Variants in SALL1 observed in about 807,000 individuals in gnomAD.
SALL1 encodes sal-like protein 1.
Under a neutral mutation model 73.1 loss-of-function variants are expected in SALL1, and 10 were observed. The ratio of observed to expected loss-of-function variants is 0.14; its 90% confidence interval spans 0.08 to 0.23. The LOEUF is 0.23. Ranked by LOEUF, SALL1 falls within the 10% of genes least tolerant of loss-of-function variation. SALL1 has a pLI of 1.00. For synonymous variants in SALL1, 688 were observed against 689.8 expected (o/e 1.00, Z 0.04); for missense variants, 1,520 against 1,697.3 (o/e 0.90, Z 1.84).
At chr16:51,145,206 TCACACACACATACACACACA>T (rs1162660268) in intron 1 of SALL1, among the ~76,000 whole-genome samples, 2 of 83,320 alleles carry the variant, frequency 2.4e-5, no homozygotes, top group African/African-American at 3.8e-5. Context: ...ATTCTCTCTC[TCACACACACATACACACACA>T]CACACACACA....
In SALL1 at chr16:51,138,867, A is replaced by C; in HGVS notation, c.3355T>G (p.Ser1119Ala). The change falls in exon 2 of 3, where the codon TCC (serine) becomes GCC (alanine). Residue 1119 changes from serine to alanine, a missense_variant. Transcript: ENST00000251020. ...GGCAGAGCAGGGAGCAGAACTGGGGATGTGGCAGAGGAAGACAGAGGCCCA... is the reference window on the plus strand; with the variant it reads ...GGCAGAGCAGGGAGCAGAACTGGGGCTGTGGCAGAGGAAGACAGAGGCCCA... ...PSGPLSSSAT[S>A]PVLLPALPRR... 1 of 1,614,156 alleles carries C rather than the reference A, an allele frequency of 6.2e-7. No homozygotes were observed. Among genetic ancestry groups the C allele is most frequent in the Non-Finnish European group, 8.5e-7 (1 of 1,180,030 alleles).
rs759286249 is a variant in SALL1, at chr16:51,140,776, G to A, written c.1446C>T (p.Cys482=). The change falls in exon 2 of 3, where the codon TGC becomes TGT. Residue 482 remains cysteine (C), a synonymous_variant. Coordinates refer to ENST00000251020, the MANE Select transcript of SALL1 (RefSeq NM_002968.3). The surrounding 1 kb of genome is among the most constrained non-coding windows in gnomAD (Gnocchi z 5.7). Reference sequence around the variant, plus strand: ...TCCCCTTGGTGGAGAACCTGTTCCCGCAGATGTTGCACTTGAATGGCCTCT... The same window carrying A: ...TCCCCTTGGTGGAGAACCTGTTCCCACAGATGTTGCACTTGAATGGCCTCT... ...TGERPFKCNI[C]GNRFSTKGNL... The A allele has an allele frequency of 1.5e-5, 24 of 1,614,060 alleles. No homozygotes were observed. The highest frequency in any genetic ancestry group is 6.6e-5 in the South Asian group (6 of 91,092).
rs751581050 is a variant in SALL1 at position 51,151,257 on chromosome 16, A to G, written c.-16T>C. 6 of 1,560,900 alleles carry G rather than the reference A, an allele frequency of 3.8e-6. No individual in the cohort carries two copies. The highest frequency in any genetic ancestry group is 4.3e-6 in the Non-Finnish European group (5 of 1,151,250). Reference sequence around the variant, plus strand: ...TCCGCGACATGCTGGCTCAAACATCAGCTGGGGCAGAATAAAAAATTACTA... The same window carrying G: ...TCCGCGACATGCTGGCTCAAACATCGGCTGGGGCAGAATAAAAAATTACTA... On this transcript the variant is annotated 5_prime_UTR_variant, in exon 1 of 3. Transcript: ENST00000251020.
At position 51,141,732 on chromosome 16, in the gene SALL1, TGCC is replaced by T. The variant is rs1555475414; in HGVS notation, c.487_489del (p.Gly163del). On this transcript the variant is annotated inframe_deletion, in exon 2 of 3. Transcript: ENST00000251020. The surrounding 1 kb of genome is among the most constrained non-coding windows in gnomAD (Gnocchi z 5.4). ...ATCGCTGAGGTACCTGTGGAGGAGC[TGCC>T]GCCGCCGCCGCTGCTGCTGCTGCTG... The T allele has an allele frequency of 3.7e-5, 59 of 1,610,524 alleles. No individual in the cohort carries two copies. The East Asian group carries it at 5.8e-4, about 16-fold the overall frequency.
chr16:51,138,967 G>C lies in SALL1; in HGVS notation c.3255C>G (p.Ile1085Met). ...GCACGAAGCCGTTGACCTCTGTCTT[G>C]ATGAGAGATGACAACGAGTTGGCGG... is the stretch of plus-strand genomic sequence containing the variant. ...VIPANSLSSLIKTEVNGFVHV... is the reference protein window; with the variant it reads ...VIPANSLSSLMKTEVNGFVHV... The change falls in exon 2 of 3, where the codon ATC becomes ATG. Residue 1085 changes from isoleucine (I) to methionine (M), a missense_variant. By Grantham distance (10) the Ile-to-Met change is conservative (BLOSUM62 1). Around this residue, in one of 7 missense-constraint regions of SALL1, gnomAD observed 318 missense variants for 357.1 expected, o/e 0.89. Coordinates refer to ENST00000251020, the MANE Select transcript of SALL1 (RefSeq NM_002968.3). 1 of 1,614,158 alleles carries C rather than the reference G, an allele frequency of 6.2e-7. No homozygotes were observed. Among genetic ancestry groups the C allele is most frequent in the Non-Finnish European group, 8.5e-7 (1 of 1,180,034 alleles).
At chr16:51,151,704 C>A (rs1323068216), upstream of SALL1, among the ~76,000 whole-genome samples, 2 of 151,586 alleles carry the variant, frequency 1.3e-5, no homozygotes, top group Admixed American at 1.3e-4. Flanking sequence ...CAGGCGCCCC[C>A]CGCTCTCTCC....
At chr16:51,147,975 CT>C (rs1962543919) in intron 1 of SALL1, among the ~76,000 whole-genome samples, 1 of 152,136 alleles carries the variant, frequency 6.6e-6, no homozygotes, top group African/African-American at 2.4e-5. Flanking sequence ...TAATTCAAGA[CT>C]TGTTGAATAT....
intron 1 of SALL1, chr16:51,149,768 G>C (rs547607654): frequency 2.4e-4 from 36 of 152,356 alleles, no homozygotes; most frequent in African/African-American, 7.7e-4. Context: ...CAGCTCTACC[G>C]AGAGGCAGGC....
chr16:51,151,669 C>G (rs1198040521), upstream of SALL1, among the ~76,000 whole-genome samples: 3 of 151,408 alleles, frequency 2.0e-5, no homozygotes, highest in Non-Finnish European at 4.4e-5. Flanking sequence ...CCGGCCTCCT[C>G]TCCACTGCGG....
At chr16:51,150,622 G>C in intron 1 of SALL1, 1 of 975,680 alleles carries the variant, frequency 1.0e-6, no homozygotes, top group Non-Finnish European at 1.2e-6. Flanking sequence ...CTCGCAGGCC[G>C]AGGGGGAGTG....
At chr16:51,151,317 G>T, upstream of SALL1, 1 of 912,248 alleles carries the variant, frequency 1.1e-6, no homozygotes. Context: ...GAAATCGAGC[G>T]GCGGCGGCGG....
upstream of SALL1, among the ~76,000 whole-genome samples, chr16:51,151,722 C>T (rs1181508300): frequency 6.6e-5 from 10 of 151,406 alleles, no homozygotes; most frequent in South Asian, 1.7e-3. Context: ...TCCCTCTCCC[C>T]TCCCTCTTCC....
intron 1 of SALL1, among the ~76,000 whole-genome samples, chr16:51,145,203 C>G (rs1045561990): frequency 2.2e-5 from 2 of 90,910 alleles, no homozygotes; most frequent in African/African-American, 7.2e-5. Context: ...CACATTCTCT[C>G]TCTCACACAC....
rs530254986 is a variant in SALL1 at position 51,140,109 on chromosome 16, G to A, written c.2113C>T (p.Pro705Ser). ...VENIDKKATD[P>S]NECIICHRVL... ...CGGTGGCAGATGATGCACTCATTGG[G>A]GTCAGTGGCCTTCTTGTCAATGTTT... Residue 705 changes from proline to serine, a missense_variant, in exon 2 of 3, where the codon CCC becomes TCC. Around this residue, in one of 7 missense-constraint regions of SALL1, gnomAD observed 77 missense variants for 117.2 expected, o/e 0.66. Transcript: ENST00000251020. This position sits in a 1 kb window ranked among gnomAD's most constrained non-coding sequence, Gnocchi z 5.7. 6.2e-7 allele frequency: 1 copy of A among 1,614,178 alleles called. No individual in the cohort carries two copies. Among genetic ancestry groups the A allele is most frequent in the Admixed American group, 1.7e-5 (1 of 60,032 alleles).
chr16:51,143,283 T>A (rs1406445187), intron 1 of SALL1: 1 of 373,602 alleles, frequency 2.7e-6, no homozygotes, highest in Admixed American at 3.3e-5. Context: ...CATTTGTAAA[T>A]TAAACAGAAA....
At chr16:51,142,989 G>A (rs1034968085) in intron 1 of SALL1, among the ~76,000 whole-genome samples, 1 of 151,112 alleles carries the variant, frequency 6.6e-6, no homozygotes. Flanking sequence ...TTCATCAAAA[G>A]TGCTCTCTAT....
chr16:51,137,682 T>C lies in SALL1; in HGVS notation c.3535-130A>G, dbSNP rs1404426547. 7.2e-6 allele frequency: 5 copies of C among 689,844 alleles called. No homozygotes were observed. The African/African-American group carries it at 8.9e-5, about 12-fold the overall frequency. 42.7% of individuals were successfully genotyped at this position (689,844 alleles called of 1,614,324 possible). A position where few individuals can be genotyped will look rare whatever the true frequency, so the allele number is the denominator to read the frequency against. ...ATGTCCACAAAGCAAGTGGCCTAAATGTCTATTCTCATCATGTGACAGACA... is the reference window on the plus strand; with the variant it reads ...ATGTCCACAAAGCAAGTGGCCTAAACGTCTATTCTCATCATGTGACAGACA... On this transcript the variant is annotated intron_variant, in intron 2 of 2. Coordinates refer to ENST00000251020, the MANE Select transcript of SALL1 (RefSeq NM_002968.3).
chr16:51,150,839 T>G, intron 1 of SALL1: 1 of 258,346 alleles, frequency 3.9e-6, no homozygotes. Context: ...GGCTCCCGGG[T>G]CTTGGCCGCG....
In SALL1 at chr16:51,141,699, A is replaced by G. The variant is rs1962436429; in HGVS notation, c.523T>C (p.Ser175Pro). 2 of 1,613,148 alleles carry G rather than the reference A, an allele frequency of 1.2e-6. No homozygotes were observed. The highest frequency in any genetic ancestry group is 2.7e-5 in the African/African-American group (2 of 74,716). ...SSTGTSAITT[S>P]LPQLGDLTTL... is the part of the protein sequence containing the mutation. Reference sequence around the variant, plus strand: ...GTCAGGTCCCCGAGTTGAGGTAGAGAGGTTGTGATCGCTGAGGTACCTGTG... The same window carrying G: ...GTCAGGTCCCCGAGTTGAGGTAGAGGGGTTGTGATCGCTGAGGTACCTGTG... Residue 175 changes from serine to proline, a missense_variant, in exon 2 of 3, where the codon TCT becomes CCT. Physicochemically the swap from Ser to Pro is moderately conservative, Grantham distance 74 (BLOSUM62 -1). Around this residue, in one of 7 missense-constraint regions of SALL1, gnomAD observed 540 missense variants for 567.5 expected, o/e 0.95. Coordinates refer to ENST00000251020, the MANE Select transcript of SALL1 (RefSeq NM_002968.3). This position sits in a 1 kb window ranked among gnomAD's most constrained non-coding sequence, Gnocchi z 5.4.
Sources: gnomAD v4.1 joint callset for allele counts (sites outside exome capture counted in the v4.1 genomes callset) on GRCh38, gnomAD v4.1.1 for gene constraint, gnomAD v4.1.1 regional missense constraint, Gnocchi (gnomAD v3.1) non-coding constraint, MANE v1.5 for transcripts, NCBI Gene and HGNC (gene_info 2026-07-23, HGNC 2026-07-21) for gene names.